The following ROBO1 variants were observed in gnomAD, a reference collection of about 807,000 sequenced individuals.
ROBO1 encodes the protein roundabout guidance receptor 1.
A neutral mutation model predicts 195.9 loss-of-function variants in ROBO1; 149 were observed. That is an observed-to-expected ratio of 0.76 (90% CI 0.67 to 0.87). ROBO1 has a LOEUF of 0.87. Among genes scored for constraint, ROBO1 ranks in the 40% least tolerant of loss-of-function variants. The probability of loss-of-function intolerance (pLI) is 0.00; values close to 1 mark genes in which losing one functional copy is unlikely to be tolerated. For missense variants in ROBO1, 1,933 were observed against 2,068.3 expected (o/e 0.93, Z 1.27); for synonymous variants, 816 against 733.2 (o/e 1.11, Z -1.82).
At chr3:78,601,139 C>T (rs1703146183) in intron 29 of ROBO1, among the ~76,000 whole-genome samples, 1 of 152,138 alleles carries the variant, frequency 6.6e-6, no homozygotes, top group Admixed American at 6.5e-5. Flanking sequence ...AAATACCTAA[C>T]TCTTTGGCAT....
At chr3:79,046,685 A>T (rs1416523231) in intron 3 of ROBO1, among the ~76,000 whole-genome samples, 4 of 152,020 alleles carry the variant, frequency 2.6e-5, no homozygotes, top group African/African-American at 7.2e-5. Context: ...TCTCCTTTTC[A>T]CATTTTTCTG....
chr3:79,227,511 A>G (rs1012996061), intron 2 of ROBO1, among the ~76,000 whole-genome samples: 1 of 152,144 alleles, frequency 6.6e-6, no homozygotes, highest in Non-Finnish European at 1.5e-5. Context: ...CTCTCTCCAC[A>G]CTACCTGATT....
intron 4 of ROBO1, among the ~76,000 whole-genome samples, chr3:78,780,038 A>G (rs1470569687): frequency 6.6e-6 from 1 of 152,134 alleles, no homozygotes; most frequent in African/African-American, 2.4e-5. Context: ...TCTCACTCAC[A>G]AGGGGGAGTT....
intron 2 of ROBO1, among the ~76,000 whole-genome samples, chr3:79,528,547 CACT>C (rs1189564155): frequency 6.6e-6 from 1 of 152,078 alleles, no homozygotes; most frequent in Non-Finnish European, 1.5e-5. Context: ...TCAATCTCAC[CACT>C]GAGAATCTCT....
intron 2 of ROBO1, among the ~76,000 whole-genome samples, chr3:79,451,643 T>C (rs1170927183): frequency 1.3e-5 from 2 of 152,134 alleles, no homozygotes; most frequent in Admixed American, 6.6e-5. Context: ...AGTGGATTGA[T>C]TGGATGATCT....
At chr3:78,711,347 CCT>C (rs2081696991) in intron 8 of ROBO1, among the ~76,000 whole-genome samples, 1 of 39,196 alleles carries the variant, frequency 2.6e-5, no homozygotes, top group Non-Finnish European at 4.9e-5. Context: ...TTCCTTCCTT[CCT>C]CCTTCCTTCC....
intron 2 of ROBO1, among the ~76,000 whole-genome samples, chr3:79,524,017 C>A (rs527818345): frequency 2.0e-5 from 3 of 151,948 alleles, no homozygotes; most frequent in African/African-American, 7.3e-5. Context: ...ACCTCATGAA[C>A]GGCATCAACT....
intron 5 of ROBO1, among the ~76,000 whole-genome samples, chr3:78,736,318 G>A (rs1193819966): frequency 6.6e-6 from 1 of 152,040 alleles, no homozygotes. Context: ...GAGGAATACA[G>A]GTGGACTTTC....
At chr3:78,882,114 C>A (rs1279577484) in intron 4 of ROBO1, among the ~76,000 whole-genome samples, 1 of 151,654 alleles carries the variant, frequency 6.6e-6, no homozygotes, top group Non-Finnish European at 1.5e-5. Context: ...TTTTAAAGTT[C>A]CAAAATTCTA....
chr3:79,379,813 T>C (rs2036510037), intron 2 of ROBO1, among the ~76,000 whole-genome samples: 1 of 152,214 alleles, frequency 6.6e-6, no homozygotes. Context: ...TGTATATTTA[T>C]AGACATATAA....
At chr3:79,450,405 A>G (rs966170916) in intron 2 of ROBO1, among the ~76,000 whole-genome samples, 1 of 151,976 alleles carries the variant, frequency 6.6e-6, no homozygotes, top group Non-Finnish European at 1.5e-5. Flanking sequence ...AAGAAAAATA[A>G]TAATAATAAT....
intron 3 of ROBO1, among the ~76,000 whole-genome samples, chr3:78,999,211 T>C (rs536825521): frequency 3.6e-4 from 54 of 152,104 alleles, no homozygotes; most frequent in African/African-American, 1.2e-3. Context: ...CCAAATCCCA[T>C]TAACCAAAAT....
intron 1 of ROBO1, among the ~76,000 whole-genome samples, chr3:79,637,873 T>C (rs565087381): frequency 6.6e-6 from 1 of 152,270 alleles, no homozygotes; most frequent in South Asian, 2.1e-4. Flanking sequence ...CCAGTAGTCC[T>C]CTAGCTTTCT....
intron 1 of ROBO1, among the ~76,000 whole-genome samples, chr3:79,708,251 G>A (rs1702135888): frequency 6.6e-6 from 1 of 152,028 alleles, no homozygotes; most frequent in Admixed American, 6.6e-5. Flanking sequence ...GAGATGGAGA[G>A]GATTCTTTAC....
chr3:79,368,424 G>C (rs1382060256), intron 2 of ROBO1, among the ~76,000 whole-genome samples: 1 of 152,114 alleles, frequency 6.6e-6, no homozygotes, highest in Non-Finnish European at 1.5e-5. Flanking sequence ...CATTAAAAGA[G>C]AGTAGACTGC....
intron 2 of ROBO1, among the ~76,000 whole-genome samples, chr3:79,387,471 AC>A (rs2106675391): frequency 6.6e-6 from 1 of 150,522 alleles, no homozygotes; most frequent in African/African-American, 2.4e-5. Context: ...TAAAATATAT[AC>A]AAATATAGTA....
At chr3:79,509,247 T>A (rs1271394571) in intron 2 of ROBO1, among the ~76,000 whole-genome samples, 1 of 151,782 alleles carries the variant, frequency 6.6e-6, no homozygotes, top group Non-Finnish European at 1.5e-5. Flanking sequence ...ACTTTATTAT[T>A]TTTTTTTTCT....
intron 2 of ROBO1, among the ~76,000 whole-genome samples, chr3:79,215,168 C>T (rs1032926752): frequency 6.6e-6 from 1 of 151,796 alleles, no homozygotes; most frequent in Admixed American, 6.6e-5. Flanking sequence ...ACGAGTCTTT[C>T]TTGGAACAAG....
At chr3:79,369,460 T>C (rs1052745266) in intron 2 of ROBO1, among the ~76,000 whole-genome samples, 1 of 152,262 alleles carries the variant, frequency 6.6e-6, no homozygotes, top group Non-Finnish European at 1.5e-5. Context: ...TAACCTTATG[T>C]AATTCTCATG....
Sources: gnomAD v4.1 joint callset for allele counts (sites outside exome capture counted in the v4.1 genomes callset) on GRCh38, gnomAD v4.1.1 for gene constraint, MANE v1.5 for transcripts, NCBI Gene and HGNC (gene_info 2026-07-23, HGNC 2026-07-21) for gene names.